SPIDR: variants seen among roughly 807,000 people sequenced by gnomAD.
SPIDR encodes scaffold protein involved in DNA repair.
In SPIDR, 93 loss-of-function variants were observed where a neutral mutation model predicts 104.6. The observed-to-expected ratio is 0.89, with a 90% CI of 0.75 to 1.06. The LOEUF (loss-of-function observed/expected upper bound fraction) is 1.06. SPIDR is among the 50% of genes least tolerant of loss of function. The pLI is 0.00. For synonymous variants in SPIDR, 431 were observed against 416.9 expected, an observed-to-expected ratio of 1.03 and a Z score of -0.41; for missense variants, 1,154 against 1,111.2, an observed-to-expected ratio of 1.04 and a Z score of -0.55.
At chr8:47,669,747 A>G (rs2075541421) in intron 10 of SPIDR, among the ~76,000 whole-genome samples, 1 of 152,228 alleles carries the variant, frequency 6.6e-6, no homozygotes, top group African/African-American at 2.4e-5. Flanking sequence ...CACGCCTGTA[A>G]TCCCAGCACT....
chr8:47,713,166 T>A, intron 15 of SPIDR: 1 of 697,384 alleles, frequency 1.4e-6, no homozygotes, highest in Non-Finnish European at 2.2e-6. Context: ...TATAAATGCG[T>A]ATACTTAGAT....
rs777333835 is a variant in SPIDR at position 47,735,630 on chromosome 8, T to A, written c.*180T>A. ...CAGTTTTGTGAACTGTAAATCAAAA[T>A]ACCTTTTTCTACAGTTTATCTTTTA... On this transcript the variant is annotated 3_prime_UTR_variant, in exon 20 of 20. Coordinates refer to ENST00000297423, the MANE Select transcript of SPIDR (RefSeq NM_001080394.4). 8.4e-7 allele frequency: 1 copy of A among 1,194,274 alleles called. No homozygotes were observed. The highest frequency in any genetic ancestry group is 1.1e-6 in the Non-Finnish European group (1 of 877,362). The allele number at this position is 1,194,274 out of a possible 1,614,324, so 74.0% of individuals were successfully genotyped here.
At chr8:47,300,715 CAT>C (rs1349484788) in intron 5 of SPIDR, among the ~76,000 whole-genome samples, 7 of 152,220 alleles carry the variant, frequency 4.6e-5, no homozygotes, top group African/African-American at 1.7e-4. Context: ...ACCCAGCAGT[CAT>C]TCAGGAGCAG....
At chr8:47,320,833 C>G (rs1212101490) in intron 5 of SPIDR, among the ~76,000 whole-genome samples, 3 of 152,088 alleles carry the variant, frequency 2.0e-5, no homozygotes, top group Admixed American at 1.3e-4. Flanking sequence ...ATAAACAGAA[C>G]CAACGAGTAA....
At chr8:47,322,846 C>G (rs919302305) in intron 5 of SPIDR, among the ~76,000 whole-genome samples, 1 of 151,984 alleles carries the variant, frequency 6.6e-6, no homozygotes, top group Non-Finnish European at 1.5e-5. Flanking sequence ...GGACAAAAAA[C>G]CAAACAGCGC....
chr8:47,563,004 G>A (rs1400901394), intron 8 of SPIDR, among the ~76,000 whole-genome samples: 1 of 150,958 alleles, frequency 6.6e-6, no homozygotes, highest in African/African-American at 2.4e-5. Flanking sequence ...TAGAATCACT[G>A]GGCTAATTAG....
chr8:47,337,486 A>G (rs2049978857), intron 5 of SPIDR, among the ~76,000 whole-genome samples: 1 of 152,124 alleles, frequency 6.6e-6, no homozygotes, highest in Middle Eastern at 3.4e-3. Context: ...TCGGTGTACA[A>G]GTCTTTTTTT....
In SPIDR at chr8:47,715,537, T is replaced by G. The variant is rs188810475; in HGVS notation, c.2341+1896T>G. Among the ~76,000 whole-genome samples the G allele has an allele frequency of 4.0e-3, 615 of 152,296 alleles. 5 individuals are homozygous for G. The highest frequency in any genetic ancestry group is 0.014 in the African/African-American group (581 of 41,572). ...TAGGCTGGTGCAAAAATAATTGTGG[T>G]TTTTGCCATTAAAAGTAATGGAAAG... On this transcript the variant is annotated intron_variant, in intron 16 of 19. Coordinates refer to ENST00000297423, the MANE Select transcript of SPIDR (RefSeq NM_001080394.4).
intron 6 of SPIDR, among the ~76,000 whole-genome samples, chr8:47,406,779 A>G (rs2062814904): frequency 1.3e-5 from 2 of 152,212 alleles, no homozygotes. Flanking sequence ...TCTGGTTTTA[A>G]CAGCTAGTTC....
chr8:47,466,380 G>A (rs144288969), intron 8 of SPIDR, among the ~76,000 whole-genome samples: 82 of 152,228 alleles, frequency 5.4e-4, no homozygotes, highest in Middle Eastern at 3.4e-3. Context: ...GATCAAAACC[G>A]TACAATTACA....
At chr8:47,268,571 G>A (rs887457737) in intron 1 of SPIDR, among the ~76,000 whole-genome samples, 4 of 152,062 alleles carry the variant, frequency 2.6e-5, no homozygotes, top group Non-Finnish European at 5.9e-5. Flanking sequence ...TCTTTTTGAT[G>A]CTATTTTGAA....
intron 10 of SPIDR, among the ~76,000 whole-genome samples, chr8:47,639,812 A>G (rs1056476045): frequency 3.3e-5 from 5 of 151,810 alleles, no homozygotes; most frequent in African/African-American, 9.7e-5. Flanking sequence ...GCCGGGCTTG[A>G]TGTTGCACAT....
At chr8:47,690,002 G>A (rs2078401958) in intron 11 of SPIDR, among the ~76,000 whole-genome samples, 1 of 152,148 alleles carries the variant, frequency 6.6e-6, no homozygotes, top group Admixed American at 6.5e-5. Flanking sequence ...AAGATGAATT[G>A]TAAGGAGACA....
chr8:47,673,984 G>T, intron 11 of SPIDR, 43 bp downstream of exon 11: 1 of 1,592,108 alleles, frequency 6.3e-7, no homozygotes. Context: ...TACAATTGTT[G>T]GTTCTTTTTC....
chr8:47,665,788 T>G (rs2074829692), intron 10 of SPIDR, among the ~76,000 whole-genome samples: 1 of 152,328 alleles, frequency 6.6e-6, no homozygotes, highest in African/African-American at 2.4e-5. Context: ...TCAAGGAGAT[T>G]GAACACAGTA....
intron 5 of SPIDR, among the ~76,000 whole-genome samples, chr8:47,366,740 C>T (rs964411604): frequency 3.3e-5 from 5 of 152,270 alleles, no homozygotes; most frequent in South Asian, 2.1e-4. Context: ...AGTTTAAGTG[C>T]GTCTTGGGTA....
chr8:47,286,523 G>A (rs1323254857), intron 3 of SPIDR, among the ~76,000 whole-genome samples: 3 of 152,168 alleles, frequency 2.0e-5, no homozygotes, highest in Non-Finnish European at 4.4e-5. Context: ...GCAGTGTGCT[G>A]TGATCATGCC....
intron 5 of SPIDR, among the ~76,000 whole-genome samples, chr8:47,300,969 G>T (rs1388224260): frequency 6.6e-6 from 1 of 152,120 alleles, no homozygotes; most frequent in Non-Finnish European, 1.5e-5. Context: ...AGGTCCGCTT[G>T]GTCCAGAGCT....
intron 8 of SPIDR, among the ~76,000 whole-genome samples, chr8:47,565,352 G>C (rs528349057): frequency 6.6e-6 from 1 of 152,308 alleles, no homozygotes; most frequent in South Asian, 2.1e-4. Flanking sequence ...CATTGAGTTA[G>C]AGTACAGAGT....
Sources: allele counts gnomAD v4.1 joint callset (sites outside exome capture counted in the v4.1 genomes callset), GRCh38; gene constraint gnomAD v4.1.1; transcripts MANE v1.5; gene names NCBI Gene and HGNC (gene_info 2026-07-23, HGNC 2026-07-21).